The following TRAF3IP1 variants were observed in gnomAD, a reference collection of about 807,000 sequenced individuals.
TRAF3IP1 encodes the protein intraflagellar transport 54, also known as TRAF3-interacting protein 1.
Under a neutral mutation model 89.9 loss-of-function variants are expected in TRAF3IP1, and 53 were observed. The ratio of observed to expected loss-of-function variants is 0.59; its 90% CI spans 0.47 to 0.74. The LOEUF (loss-of-function observed/expected upper bound fraction) is 0.74, where lower values mean the gene tolerates loss of function less well. Among genes scored for constraint, TRAF3IP1 ranks in the 30% least tolerant of loss-of-function variants. TRAF3IP1 has a pLI of 0.00. For missense variants in TRAF3IP1, 806 were observed against 866.1 expected, an observed-to-expected ratio of 0.93 and a Z score of 0.87; for synonymous variants, 311 against 322.1, an observed-to-expected ratio of 0.97 and a Z score of 0.37.
At chr2:238,393,680 A>G (rs891076348) in intron 15 of TRAF3IP1, among the ~76,000 whole-genome samples, 4 of 152,196 alleles carry the variant, frequency 2.6e-5, no homozygotes, top group Non-Finnish European at 5.9e-5. Flanking sequence ...TTAAGATATG[A>G]GATTAGGTCA....
Position 238,351,336 on chromosome 2 carries a change from A to T in TRAF3IP1, c.1452-1491A>T, listed in dbSNP as rs1489423074. On this transcript the variant is annotated intron_variant, in intron 12 of 16. Transcript: ENST00000373327. The surrounding 1 kb of genome is among the most constrained non-coding windows in gnomAD (Gnocchi z 5.2). Reference sequence around the variant, plus strand: ...CATGGGTTGGCAGCTGATGGCAGCAATGATGGGGTCGAGGGTGACAAGATT... The same window carrying T: ...CATGGGTTGGCAGCTGATGGCAGCATTGATGGGGTCGAGGGTGACAAGATT... Among the ~76,000 whole-genome samples the T allele has an allele frequency of 6.6e-6, 1 of 151,974 alleles. No homozygotes were observed. Among genetic ancestry groups the T allele is most frequent in the Non-Finnish European group, 1.5e-5 (1 of 67,968 alleles).
chr2:238,354,725 A>C (rs968384433), intron 14 of TRAF3IP1, among the ~76,000 whole-genome samples: 1 of 152,102 alleles, frequency 6.6e-6, no homozygotes, highest in Non-Finnish European at 1.5e-5. Flanking sequence ...ATCTTGGCTC[A>C]CTGCAACCTC....
At chr2:238,353,112 G>A in intron 13 of TRAF3IP1, 61 bp from the exon 14 acceptor site, 3 of 1,604,754 alleles carry the variant, frequency 1.9e-6, no homozygotes, top group South Asian at 1.1e-5. Context: ...ATCCACAGAA[G>A]CATGATCTTT....
chr2:238,325,494 T>C, intron 2 of TRAF3IP1, 120 bp downstream of exon 2: 1 of 1,009,314 alleles, frequency 9.9e-7, no homozygotes, highest in Non-Finnish European at 1.5e-6. Context: ...ACAAGGTCAG[T>C]GAATTCGTAA....
At chr2:238,367,643 C>G (rs116747292) in intron 15 of TRAF3IP1, among the ~76,000 whole-genome samples, 1 of 152,318 alleles carries the variant, frequency 6.6e-6, no homozygotes, top group Non-Finnish European at 1.5e-5. Flanking sequence ...GGACCGAGAG[C>G]CTGCGCCACC....
intron 15 of TRAF3IP1, among the ~76,000 whole-genome samples, chr2:238,359,120 C>G (rs1272466130): frequency 6.6e-6 from 1 of 152,228 alleles, no homozygotes; most frequent in Non-Finnish European, 1.5e-5. Context: ...TTACTGATTT[C>G]AGCTTTGGGG....
At chr2:238,384,382 A>ATGTG (rs1243454374) in intron 15 of TRAF3IP1, among the ~76,000 whole-genome samples, 3 of 148,436 alleles carry the variant, frequency 2.0e-5, no homozygotes, top group African/African-American at 5.0e-5. Context: ...GTATGTATGT[A>ATGTG]TATATATATA....
chr2:238,368,992 A>G (rs1279199329), intron 15 of TRAF3IP1, among the ~76,000 whole-genome samples: 2 of 152,160 alleles, frequency 1.3e-5, no homozygotes, highest in East Asian at 1.9e-4. Flanking sequence ...TACTTTGTAA[A>G]TAAAATACAC....
In TRAF3IP1 at chr2:238,397,445, C is replaced by G. The variant is rs772570430; in HGVS notation, c.1690-14C>G. On this transcript the variant is annotated splice_polypyrimidine_tract_variant and intron_variant, in intron 15 of 16. Coordinates refer to ENST00000373327, the MANE Select transcript of TRAF3IP1 (RefSeq NM_015650.4). ...AGGAGGCGTGTTCCTCTTCCTATGT[C>G]TCCCTGACTGTAGGAGCGATCTCTC... 1.3e-5 allele frequency: 21 copies of G among 1,611,404 alleles called. No homozygotes were observed. The highest frequency in any genetic ancestry group is 1.7e-5 in the Admixed American group (1 of 59,986).
chr2:238,371,267 G>T (rs1043745949), intron 15 of TRAF3IP1, among the ~76,000 whole-genome samples: 1 of 152,154 alleles, frequency 6.6e-6, no homozygotes, highest in African/African-American at 2.4e-5. Context: ...TTGAGATCAG[G>T]TGTTTTTTTC....
In TRAF3IP1 at chr2:238,329,033, G is replaced by A. The variant is rs1310505980; in HGVS notation, c.606G>A (p.Glu202=). ...CAAGAGAAAAGGACAAGGACAAGGAGAAGGCCAAGGAGAATGGCGGAAACA... is the reference window on the plus strand; with the variant it reads ...CAAGAGAAAAGGACAAGGACAAGGAAAAGGCCAAGGAGAATGGCGGAAACA... The part of the protein sequence containing the change: ...RKPREKDKDK[E]KAKENGGNRH... Residue 202 remains glutamate, a synonymous_variant, in exon 5 of 17, where the codon GAG becomes GAA. Transcript: ENST00000373327. 1 of 1,551,820 alleles carries A rather than the reference G, an allele frequency of 6.4e-7. No homozygotes were observed. Among genetic ancestry groups the A allele is most frequent in the Non-Finnish European group, 8.7e-7 (1 of 1,147,086 alleles).
At chr2:238,356,164 C>A in intron 15 of TRAF3IP1, 84 bp downstream of exon 15, 1 of 1,068,206 alleles carries the variant, frequency 9.4e-7, no homozygotes. Context: ...GAGCATCTTT[C>A]AATATTACCA....
At chr2:238,325,194 A>T in intron 1 of TRAF3IP1, 112 bp from the exon 2 acceptor site, 1 of 1,056,472 alleles carries the variant, frequency 9.5e-7, no homozygotes, top group Non-Finnish European at 1.5e-6. Flanking sequence ...GGATGATTCA[A>T]ATCTGGGCTG....
intron 15 of TRAF3IP1, among the ~76,000 whole-genome samples, chr2:238,375,638 A>G (rs959169089): frequency 6.6e-6 from 1 of 152,176 alleles, no homozygotes; most frequent in Non-Finnish European, 1.5e-5. Context: ...GTAGATGTCT[A>G]TTAGTTCTGC....
In TRAF3IP1 at chr2:238,325,391, C is replaced by T; in HGVS notation, c.192+17C>T. The stretch of plus-strand genomic sequence containing the variant: ...AATGTGAAGGTGGGTTTGAGTCGGG[C>T]TTCTCCTATTGACTCCTCGCCTTAA... On this transcript the variant is annotated intron_variant, in intron 2 of 16. Coordinates refer to ENST00000373327, the MANE Select transcript of TRAF3IP1 (RefSeq NM_015650.4). The T allele has an allele frequency of 1.2e-6, 2 of 1,613,894 alleles. No homozygotes were observed. The highest frequency in any genetic ancestry group is 1.1e-5 in the South Asian group (1 of 91,064).
At chr2:238,359,683 C>T (rs1699577243) in intron 15 of TRAF3IP1, among the ~76,000 whole-genome samples, 2 of 152,112 alleles carry the variant, frequency 1.3e-5, no homozygotes, top group African/African-American at 4.8e-5. Context: ...CTGCTGTGAA[C>T]ATTAATGTTC....
Position 238,338,403 on chromosome 2 carries a change from A to AT in TRAF3IP1, c.1106dup (p.Val370SerfsTer6). The AT allele has an allele frequency of 1.9e-6, 3 of 1,601,702 alleles. No individual in the cohort carries two copies. Among genetic ancestry groups the AT allele is most frequent in the Non-Finnish European group, 2.6e-6 (3 of 1,174,774 alleles). ...TATTTCAGCTAAAAGTTTAGACTCC[A>AT]TAGTGTCTGGAATAAATAATGAGCC... is the stretch of plus-strand genomic sequence containing the variant. On this transcript the variant is annotated frameshift_variant, in exon 8 of 17. Coordinates refer to ENST00000373327, the MANE Select transcript of TRAF3IP1 (RefSeq NM_015650.4). LOFTEE classifies it high-confidence loss of function.
rs563733726 is a variant in TRAF3IP1 at position 238,327,961 on chromosome 2, T to C, written c.355-725T>C. On this transcript the variant is annotated intron_variant, in intron 3 of 16. Transcript: ENST00000373327. The stretch of plus-strand genomic sequence containing the variant: ...GAATAATATTCCATTGTAATGGATA[T>C]ACCATATTTTGTTTATCCACTCAAC... Among the ~76,000 whole-genome samples, 74 of 152,356 alleles carry C rather than the reference T, an allele frequency of 4.9e-4. 1 individual carries two copies. The highest frequency in any genetic ancestry group is 1.7e-3 in the African/African-American group (72 of 41,586).
At chr2:238,344,177 G>C (rs905178090) in intron 8 of TRAF3IP1, among the ~76,000 whole-genome samples, 5 of 152,114 alleles carry the variant, frequency 3.3e-5, no homozygotes, top group Admixed American at 1.3e-4. Flanking sequence ...GGCTCTACTG[G>C]GGAGGTGAGT....
Sources: gnomAD v4.1 joint callset for allele counts (sites outside exome capture counted in the v4.1 genomes callset) on GRCh38, gnomAD v4.1.1 for gene constraint, Gnocchi (gnomAD v3.1) non-coding constraint, MANE v1.5 for transcripts, NCBI Gene and HGNC (gene_info 2026-07-23, HGNC 2026-07-21) for gene names.